ZNF606: variants seen among roughly 807,000 people sequenced by gnomAD.
The protein encoded by ZNF606 is zinc finger protein 606, also known as zinc finger protein 328.
ZNF606 carries 37 observed loss-of-function variants against 74.9 expected under a neutral mutation model. The ratio of observed to expected loss-of-function variants is 0.49; its 90% confidence interval spans 0.38 to 0.65. The LOEUF is 0.65. Among genes scored for constraint, ZNF606 ranks in the 30% least tolerant of loss-of-function variants. The pLI, the probability that ZNF606 is intolerant of heterozygous loss-of-function variation, is 0.00. For missense variants in ZNF606, 852 were observed against 952.9 expected (o/e 0.89, Z 1.39); for synonymous variants, 328 against 312.4 (o/e 1.05, Z -0.53).
At chr19:57,988,425 A>G in intron 5 of ZNF606, 123 bp from the exon 6 acceptor site, 2 of 1,368,012 alleles carry the variant, frequency 1.5e-6, no homozygotes, top group Non-Finnish European at 2.0e-6. Context: ...GGTCCTTCCC[A>G]CTCCATGCTC....
chr19:57,996,035 T>C lies in ZNF606; in HGVS notation c.177+3773A>G, dbSNP rs1054509041. 3.9e-5 allele frequency among the ~76,000 whole-genome samples: 6 copies of C among 152,192 alleles called. No homozygotes were observed. The East Asian group carries it at 1.2e-3, about 29-fold the overall frequency. On this transcript the variant is annotated intron_variant, in intron 4 of 6. Transcript: ENST00000551380. ...TCCTTTTTACACTTCTCTGTAATTA[T>C]GAAATGTGCCAAAATTAAAACTAAA...
At chr19:58,001,223 G>A (rs1206179343) in intron 2 of ZNF606, 66 bp downstream of exon 2, 8 of 1,593,830 alleles carry the variant, frequency 5.0e-6, no homozygotes, top group African/African-American at 2.7e-5. Context: ...CCCATCACCA[G>A]CTCTGACCCA....
At chr19:58,003,102 G>C (rs978963934), upstream of ZNF606, 1 of 410,816 alleles carries the variant, frequency 2.4e-6, no homozygotes, top group South Asian at 1.7e-5. Flanking sequence ...GCGCCTCGTG[G>C]TACCGGGTTT....
upstream of ZNF606, chr19:58,003,222 A>G: frequency 2.2e-6 from 1 of 456,672 alleles, no homozygotes; most frequent in Non-Finnish European, 4.4e-6. Flanking sequence ...TAAGGAACCT[A>G]ATTCGAGCTA....
Position 57,978,844 on chromosome 19 carries a change from A to G in ZNF606, c.1836T>C (p.Thr612=), listed in dbSNP as rs2073030329. ...TTCCAGAATGAATTATCTCATGTTT[A>G]GTGAGGGCTGAGCGTTCTCTGAATG... is the stretch of plus-strand genomic sequence containing the variant. The part of the protein sequence containing the change: ...GKAFRERSAL[T]KHEIIHSGIK... The change falls in exon 7 of 7, where the codon ACT becomes ACC. Residue 612 remains threonine (T), a synonymous_variant. Transcript: ENST00000551380. The surrounding 1 kb of genome is among the most constrained non-coding windows in gnomAD (Gnocchi z 4.4). 6.2e-7 allele frequency: 1 copy of G among 1,614,068 alleles called. No individual in the cohort carries two copies. Among genetic ancestry groups the G allele is most frequent in the Admixed American group, 1.7e-5 (1 of 60,010 alleles).
intron 6 of ZNF606, among the ~76,000 whole-genome samples, chr19:57,982,959 A>G (rs2073108785): frequency 6.7e-6 from 1 of 149,650 alleles, no homozygotes; most frequent in African/African-American, 2.5e-5. Flanking sequence ...CACGACCATT[A>G]TAACAGAGGT....
chr19:57,991,486 G>A (rs1331753105), intron 4 of ZNF606, among the ~76,000 whole-genome samples: 1 of 152,066 alleles, frequency 6.6e-6, no homozygotes, highest in Non-Finnish European at 1.5e-5. Context: ...TACATTTTAT[G>A]GTAATGTAAG....
At chr19:58,003,121 G>A, upstream of ZNF606, 1 of 416,730 alleles carries the variant, frequency 2.4e-6, no homozygotes, top group Non-Finnish European at 4.9e-6. Flanking sequence ...TTCCCGGGAG[G>A]AGCTCGGCGA....
intron 6 of ZNF606, among the ~76,000 whole-genome samples, chr19:57,986,828 A>T (rs573787455): frequency 2.6e-5 from 4 of 152,306 alleles, no homozygotes; most frequent in Admixed American, 2.6e-4. Flanking sequence ...TCACACCTAT[A>T]ATCTCAGCAC....
At chr19:57,997,393 TG>T (rs1334356029) in intron 4 of ZNF606, 1 of 152,238 alleles carries the variant, frequency 6.6e-6, no homozygotes, top group East Asian at 1.9e-4. Context: ...TGACAGCATT[TG>T]ATGTTTTCAC....
chr19:57,982,941 C>T (rs1388564658), intron 6 of ZNF606, among the ~76,000 whole-genome samples: 1 of 151,928 alleles, frequency 6.6e-6, no homozygotes, highest in Non-Finnish European at 1.5e-5. Context: ...ACCCCCATCC[C>T]TGGCCCCCAC....
In ZNF606 at chr19:57,979,576, T is replaced by C; in HGVS notation, c.1104A>G (p.Val368=). The change falls in exon 7 of 7, where the codon GTA becomes GTG. Residue 368 remains valine, a synonymous_variant. Transcript: ENST00000551380. The part of the protein sequence containing the change: ...SFMEHQKIGT[V]EKAYKYNEWE... Reference sequence around the variant, plus strand: ...ATTCATTGTATTTATACGCTTTCTCTACAGTACCAATTTTTTGATGTTCCA... The same window carrying C: ...ATTCATTGTATTTATACGCTTTCTCCACAGTACCAATTTTTTGATGTTCCA... 3 of 1,613,194 alleles carry C rather than the reference T, an allele frequency of 1.9e-6. No homozygotes were observed. The highest frequency in any genetic ancestry group is 2.5e-6 in the Non-Finnish European group (3 of 1,179,858).
At chr19:58,003,084 G>A, upstream of ZNF606, 2 of 406,256 alleles carry the variant, frequency 4.9e-6, no homozygotes, top group Non-Finnish European at 1.0e-5. Context: ...TTGCCCATCC[G>A]CAAAATGGCG....
At chr19:58,002,997 GTCCCAGACCACCC>G, upstream of ZNF606, 1 of 454,410 alleles carries the variant, frequency 2.2e-6, no homozygotes, top group South Asian at 1.6e-5. Flanking sequence ...TGTTGTCCCG[GTCCCAGACCACCC>G]TCCTCCACCG....
chr19:57,987,989 A>G (rs1337263641), intron 6 of ZNF606, among the ~76,000 whole-genome samples: 2 of 152,236 alleles, frequency 1.3e-5, no homozygotes, highest in African/African-American at 4.8e-5. Context: ...GGGACCGCAG[A>G]AAACAGGAGC....
chr19:58,003,095 C>A, upstream of ZNF606: 1 of 406,540 alleles, frequency 2.5e-6, no homozygotes, highest in South Asian at 1.7e-5. Flanking sequence ...CAAAATGGCG[C>A]CTCGTGGTAC....
rs1362443930 is a variant in ZNF606 at position 58,001,290 on chromosome 19, C to A, written c.30G>T (p.Trp10Cys). 5.6e-6 allele frequency: 9 copies of A among 1,613,992 alleles called. No homozygotes were observed. Among genetic ancestry groups the A allele is most frequent in the Non-Finnish European group, 8.5e-7 (1 of 1,180,020 alleles). Residue 10 changes from tryptophan to cysteine, a missense_variant and splice_region_variant, in exon 2 of 7, where the codon TGG becomes TGT. Physicochemically the swap from Trp to Cys is radical, Grantham distance 215. Around this residue, in one of 3 missense-constraint regions of ZNF606, gnomAD observed 545 missense variants for 542.5 expected, o/e 1.00. Coordinates refer to ENST00000551380, the MANE Select transcript of ZNF606 (RefSeq NM_001348022.3). ...AGGAGAAACACAACTTGGACTCACC[C>A]CAGGAGGCCCACGGGTTGATGGCTG... MAAINPWAS[W>C]GALTDQSWGM...
At chr19:58,000,888 A>G in intron 2 of ZNF606, 149 bp from the exon 3 acceptor site, 3 of 683,786 alleles carry the variant, frequency 4.4e-6, no homozygotes, top group Non-Finnish European at 7.1e-6. Flanking sequence ...CATAAGCTGG[A>G]TTCACACAGG....
At chr19:58,003,223 A>AT (rs751476364), upstream of ZNF606, 55 of 456,548 alleles carry the variant, frequency 1.2e-4, no homozygotes, top group South Asian at 8.5e-4. Flanking sequence ...AAGGAACCTA[A>AT]TTCGAGCTAC....
Sources: allele counts gnomAD v4.1 joint callset (sites outside exome capture counted in the v4.1 genomes callset), GRCh38; gene constraint gnomAD v4.1.1; regional missense constraint gnomAD v4.1.1; non-coding constraint Gnocchi (gnomAD v3.1); transcripts MANE v1.5; gene names NCBI Gene and HGNC (gene_info 2026-07-23, HGNC 2026-07-21).